Variants in ADAMTSL1 observed in about 807,000 individuals in gnomAD.
ADAMTSL1 encodes the protein ADAMTS like 1, also known as ADAMTS-like protein 1.
ADAMTSL1 carries 126 observed loss-of-function variants against 201.8 expected under a neutral mutation model. The ratio of observed to expected loss-of-function variants is 0.62; its 90% confidence interval spans 0.54 to 0.72. The LOEUF (loss-of-function observed/expected upper bound fraction) is 0.72. Ranked by LOEUF, ADAMTSL1 falls within the 30% of genes least tolerant of loss-of-function variation. The probability of loss-of-function intolerance (pLI) is 0.00; values close to 1 mark genes in which losing one functional copy is unlikely to be tolerated. For missense variants in ADAMTSL1, 2,679 were observed against 2,277.8 expected, an observed-to-expected ratio of 1.18 and a Z score of -3.59; for synonymous variants, 1,121 against 903.4, an observed-to-expected ratio of 1.24 and a Z score of -4.32.
chr9:18,064,538 G>T (rs1822606830), intron 1 of ADAMTSL1, among the ~76,000 whole-genome samples: 1 of 152,280 alleles, frequency 6.6e-6, no homozygotes. Context: ...TCACTTTTAA[G>T]AATCTAACAG....
At chr9:18,565,700 G>C (rs527945711) in intron 3 of ADAMTSL1, among the ~76,000 whole-genome samples, 4 of 152,230 alleles carry the variant, frequency 2.6e-5, no homozygotes, top group Admixed American at 6.5e-5. Context: ...ACAGTGATGT[G>C]TTAGAGATTT....
chr9:18,099,552 G>C lies in ADAMTSL1; in HGVS notation c.88-64310G>C, dbSNP rs1303150021. On this transcript the variant is annotated intron_variant, in intron 1 of 29. Transcript: ENST00000680146. ...TTTTCTTCAGGGACTAAATCTGTAT[G>C]TCGAAATTTTTTTTACCTGTCTTCA... is the stretch of plus-strand genomic sequence containing the variant. 7.4e-5 allele frequency among the ~76,000 whole-genome samples: 11 copies of C among 147,816 alleles called. No homozygotes were observed. In the East Asian group the frequency reaches 1.6e-3, roughly 21 times the overall value.
rs184985632 is a variant in ADAMTSL1, at chr9:18,524,295, C to G, written c.192-8952C>G. Reference sequence around the variant, plus strand: ...TGATTTTTGCATATTTATTTTGTATCCTGAGACTTTGCTGAAGTTGCTTAG... The same window carrying G: ...TGATTTTTGCATATTTATTTTGTATGCTGAGACTTTGCTGAAGTTGCTTAG... On this transcript the variant is annotated intron_variant, in intron 2 of 28. Transcript: ENST00000380548. 3.4e-3 allele frequency among the ~76,000 whole-genome samples: 522 copies of G among 152,260 alleles called. 1 individual carries two copies. The highest frequency in any genetic ancestry group is 0.012 in the African/African-American group (489 of 41,538).
chr9:18,409,008 T>C (rs1342605950), intron 2 of ADAMTSL1, among the ~76,000 whole-genome samples: 1 of 152,210 alleles, frequency 6.6e-6, no homozygotes, highest in Non-Finnish European at 1.5e-5. Flanking sequence ...CCTGCTCTTT[T>C]AACTTACTAA....
chr9:17,994,582 C>G (rs1819297040), intron 1 of ADAMTSL1, among the ~76,000 whole-genome samples: 1 of 152,122 alleles, frequency 6.6e-6, no homozygotes. Flanking sequence ...TAACAGAATT[C>G]ACAAATATTA....
chr9:18,424,369 C>T (rs538381286), intron 2 of ADAMTSL1, among the ~76,000 whole-genome samples: 2 of 152,238 alleles, frequency 1.3e-5, no homozygotes, highest in East Asian at 3.9e-4. Flanking sequence ...AAGCAGAGGG[C>T]CTGGAAAGGT....
chr9:18,049,364 G>A (rs541500712), intron 1 of ADAMTSL1, among the ~76,000 whole-genome samples: 24 of 152,304 alleles, frequency 1.6e-4, no homozygotes, highest in African/African-American at 5.5e-4. Flanking sequence ...TCTGGCCAAT[G>A]AGATGGAAAG....
chr9:18,374,887 G>A (rs1018230830), intron 2 of ADAMTSL1, among the ~76,000 whole-genome samples: 1 of 152,190 alleles, frequency 6.6e-6, no homozygotes, highest in African/African-American at 2.4e-5. Context: ...CAACTGCTGG[G>A]GGATTATCCC....
intron 2 of ADAMTSL1, among the ~76,000 whole-genome samples, chr9:18,257,196 T>A (rs1237495440): frequency 6.6e-6 from 1 of 152,232 alleles, no homozygotes; most frequent in Non-Finnish European, 1.5e-5. Flanking sequence ...TAAATTTTCA[T>A]ATTTGAAATT....
intron 2 of ADAMTSL1, among the ~76,000 whole-genome samples, chr9:18,457,612 G>A (rs1820655565): frequency 6.6e-6 from 1 of 152,148 alleles, no homozygotes. Flanking sequence ...GGGATTATAG[G>A]CATAAGCCTC....
Position 18,605,869 on chromosome 9 carries a change from G to A in ADAMTSL1, c.475-16374G>A, listed in dbSNP as rs80280135. On this transcript the variant is annotated intron_variant, in intron 4 of 28. Coordinates refer to ENST00000380548, the MANE Select transcript of ADAMTSL1 (RefSeq NM_001040272.6). ...TGATATTGGAACACACTCTCCTTGC[G>A]TCACGCTTGACCCAGGCTGGGTGGT... 1.2e-4 allele frequency among the ~76,000 whole-genome samples: 19 copies of A among 152,210 alleles called. No homozygotes were observed. The East Asian group carries it at 1.7e-3, about 14-fold the overall frequency.
chr9:18,738,392 A>G (rs1209724804), intron 15 of ADAMTSL1, among the ~76,000 whole-genome samples: 1 of 152,216 alleles, frequency 6.6e-6, no homozygotes, highest in Non-Finnish European at 1.5e-5. Flanking sequence ...AGTAGAGGGT[A>G]AGGGGTCAAC....
At chr9:18,300,370 C>G (rs557148941) in intron 2 of ADAMTSL1, among the ~76,000 whole-genome samples, 8 of 147,944 alleles carry the variant, frequency 5.4e-5, no homozygotes, top group African/African-American at 1.7e-4. Context: ...GACAGAAAAC[C>G]AAACACCGCA....
intron 4 of ADAMTSL1, among the ~76,000 whole-genome samples, chr9:18,612,200 C>T (rs777259926): frequency 2.6e-5 from 4 of 152,198 alleles, no homozygotes; most frequent in Admixed American, 6.6e-5. Context: ...GGACCAGAGA[C>T]ATAGCAGGCA....
intron 20 of ADAMTSL1, among the ~76,000 whole-genome samples, chr9:18,801,491 T>C (rs993395095): frequency 1.3e-5 from 2 of 152,168 alleles, no homozygotes; most frequent in African/African-American, 2.4e-5. Flanking sequence ...CTCAGCCTAG[T>C]ACCCAATAGC....
chr9:18,351,703 T>C (rs1006900146), intron 2 of ADAMTSL1, among the ~76,000 whole-genome samples: 1 of 152,196 alleles, frequency 6.6e-6, no homozygotes, highest in African/African-American at 2.4e-5. Flanking sequence ...TGTAAGACCC[T>C]CTTAACCTGT....
chr9:18,415,213 G>A (rs972569237), intron 2 of ADAMTSL1, among the ~76,000 whole-genome samples: 5 of 152,140 alleles, frequency 3.3e-5, no homozygotes, highest in East Asian at 1.9e-4. Flanking sequence ...AATATAACCC[G>A]TAAAAAAGGA....
intron 5 of ADAMTSL1, among the ~76,000 whole-genome samples, chr9:18,623,228 G>T (rs1826143933): frequency 2.1e-5 from 3 of 144,500 alleles, no homozygotes; most frequent in Admixed American, 1.4e-4. Context: ...TTGTGTCCTG[G>T]TATCTCAATA....
chr9:18,013,095 C>T (rs1235689583), intron 1 of ADAMTSL1, among the ~76,000 whole-genome samples: 2 of 151,724 alleles, frequency 1.3e-5, no homozygotes, highest in East Asian at 1.9e-4. Flanking sequence ...CATAATTATT[C>T]ATCCTGTACT....
Sources: allele counts gnomAD v4.1 joint callset (sites outside exome capture counted in the v4.1 genomes callset), GRCh38; gene constraint gnomAD v4.1.1; transcripts MANE v1.5; gene names NCBI Gene and HGNC (gene_info 2026-07-23, HGNC 2026-07-21).